CDH2: variants seen among roughly 807,000 people sequenced by gnomAD.
CDH2 encodes the protein cadherin-2.
Under a neutral mutation model 92.0 loss-of-function variants are expected in CDH2, and 17 were observed. The observed-to-expected ratio is 0.18, with a 90% CI of 0.13 to 0.28. The LOEUF (loss-of-function observed/expected upper bound fraction) is 0.28, where lower values mean the gene tolerates loss of function less well. CDH2 is among the 10% of genes least tolerant of loss of function. The probability of loss-of-function intolerance (pLI) is 1.00; values close to 1 mark genes in which losing one functional copy is unlikely to be tolerated. For synonymous variants in CDH2, 419 were observed against 415.9 expected (o/e 1.01, Z -0.09); for missense variants, 862 against 1,133.1 (o/e 0.76, Z 3.44).
In CDH2 at chr18:27,951,637, A is replaced by T. The variant is rs905647913; in HGVS notation, c.*516T>A. On this transcript the variant is annotated 3_prime_UTR_variant, in exon 16 of 16. Coordinates refer to ENST00000269141, the MANE Select transcript of CDH2 (RefSeq NM_001792.5). ...AGATTTTAGTGAAAAAAAAAAAAAC[A>T]AACTAAAGTCTAAAACTAGAAGTAA... is the stretch of plus-strand genomic sequence containing the variant. The T allele has an allele frequency of 4.1e-5, 6 of 145,400 alleles. No homozygotes were observed. Among genetic ancestry groups the T allele is most frequent in the African/African-American group, 1.1e-4 (4 of 37,890 alleles). The allele number at this position is 145,400 out of a possible 1,614,324, so 9.0% of individuals were successfully genotyped here.
chr18:28,115,134 GC>G (rs2015476105), intron 2 of CDH2, among the ~76,000 whole-genome samples: 1 of 152,118 alleles, frequency 6.6e-6, no homozygotes, highest in Non-Finnish European at 1.5e-5. Context: ...TGTCCTTAAA[GC>G]CTGGGAAACA....
chr18:28,068,879 A>AT (rs971555154), intron 2 of CDH2, among the ~76,000 whole-genome samples: 4 of 152,218 alleles, frequency 2.6e-5, no homozygotes, highest in Admixed American at 6.6e-5. Context: ...ATTTAATAAC[A>AT]TAAAAACCTT....
chr18:28,057,686 T>G (rs1213789656), intron 2 of CDH2, among the ~76,000 whole-genome samples: 1 of 151,904 alleles, frequency 6.6e-6, no homozygotes, highest in Non-Finnish European at 1.5e-5. Flanking sequence ...AAAAAGAAAT[T>G]TGAATAAACT....
intron 2 of CDH2, among the ~76,000 whole-genome samples, chr18:28,015,502 A>C (rs2013219938): frequency 6.6e-6 from 1 of 152,212 alleles, no homozygotes; most frequent in Non-Finnish European, 1.5e-5. Flanking sequence ...CTTTCATTAA[A>C]GACAAAAAAT....
chr18:28,113,063 A>G (rs995095698), intron 2 of CDH2, among the ~76,000 whole-genome samples: 7 of 152,180 alleles, frequency 4.6e-5, no homozygotes, highest in Admixed American at 3.9e-4. Flanking sequence ...AATACAACTG[A>G]TATTTATCAG....
intron 11 of CDH2, among the ~76,000 whole-genome samples, chr18:27,986,691 T>C (rs1460610882): frequency 6.6e-6 from 1 of 152,080 alleles, no homozygotes; most frequent in African/African-American, 2.4e-5. Flanking sequence ...TACACAATCC[T>C]GGGGAGGGAA....
intron 2 of CDH2, among the ~76,000 whole-genome samples, chr18:28,023,478 C>A (rs2013464420): frequency 7.0e-6 from 1 of 142,890 alleles, no homozygotes; most frequent in Non-Finnish European, 1.5e-5. Flanking sequence ...CGTGCACCAC[C>A]ATGCCCAGCT....
At chr18:28,080,778 C>T (rs1338367439) in intron 2 of CDH2, among the ~76,000 whole-genome samples, 1 of 152,208 alleles carries the variant, frequency 6.6e-6, no homozygotes, top group Admixed American at 6.5e-5. Context: ...AACATTCCAC[C>T]TTCACATACA....
At chr18:28,141,523 C>T (rs564878600) in intron 2 of CDH2, among the ~76,000 whole-genome samples, 1 of 152,072 alleles carries the variant, frequency 6.6e-6, no homozygotes, top group Admixed American at 6.6e-5. Context: ...AATTTCACTT[C>T]AATAAATTAT....
At chr18:27,999,143 A>G (rs2012681707) in intron 7 of CDH2, among the ~76,000 whole-genome samples, 1 of 152,214 alleles carries the variant, frequency 6.6e-6, no homozygotes, top group Non-Finnish European at 1.5e-5. Flanking sequence ...ATTTAGGCAG[A>G]GGAAACGGGA....
chr18:27,953,412 T>C (rs1436845971), intron 15 of CDH2, among the ~76,000 whole-genome samples: 1 of 152,184 alleles, frequency 6.6e-6, no homozygotes, highest in African/African-American at 2.4e-5. Flanking sequence ...CTAGTACTCC[T>C]AGATACACTA....
At chr18:28,168,017 ACAAAGTGGT>A (rs2144365113) in intron 1 of CDH2, among the ~76,000 whole-genome samples, 1 of 152,298 alleles carries the variant, frequency 6.6e-6, no homozygotes, top group African/African-American at 2.4e-5. Context: ...AAAAATAATA[ACAAAGTGGT>A]CACAGTTTCG....
intron 2 of CDH2, among the ~76,000 whole-genome samples, chr18:28,143,639 C>A (rs1190059364): frequency 1.3e-5 from 2 of 151,006 alleles, no homozygotes; most frequent in African/African-American, 4.9e-5. Context: ...AAAGTGGCCA[C>A]AAGACACCTG....
At chr18:28,022,074 A>G (rs1161001199) in intron 2 of CDH2, among the ~76,000 whole-genome samples, 2 of 152,074 alleles carry the variant, frequency 1.3e-5, no homozygotes, top group Non-Finnish European at 2.9e-5. Context: ...GTTTTTACAT[A>G]TATATTCCAA....
At chr18:28,046,738 G>A (rs937465379) in intron 2 of CDH2, among the ~76,000 whole-genome samples, 1 of 151,948 alleles carries the variant, frequency 6.6e-6, no homozygotes, top group African/African-American at 2.4e-5. Context: ...TAGACATTTA[G>A]ATGTGCTACT....
intron 15 of CDH2, among the ~76,000 whole-genome samples, chr18:27,961,431 A>G (rs572782311): frequency 6.6e-6 from 1 of 152,076 alleles, no homozygotes; most frequent in African/African-American, 2.4e-5. Context: ...GCATCAAGGA[A>G]GGCCTCACAG....
rs572877691 is a variant in CDH2 at position 28,045,176 on chromosome 18, T to C, written c.173-31267A>G. Among the ~76,000 whole-genome samples, 3 of 152,278 alleles carry C rather than the reference T, an allele frequency of 2.0e-5. No individual in the cohort carries two copies. The East Asian group carries it at 5.8e-4, about 29-fold the overall frequency. On this transcript the variant is annotated intron_variant, in intron 2 of 15. Coordinates refer to ENST00000269141, the MANE Select transcript of CDH2 (RefSeq NM_001792.5). ...TCATCCAACTGGTCTTCAAGCCCTC[T>C]AGACTTTACCTCTAAGGATAAAGGT...
chr18:27,990,035 A>C, intron 10 of CDH2, 62 bp downstream of exon 10: 2 of 1,410,568 alleles, frequency 1.4e-6, no homozygotes, highest in Non-Finnish European at 9.7e-7. Context: ...GAATTAGATA[A>C]ATTTTATGCA....
chr18:28,034,774 A>T (rs1400832203), intron 2 of CDH2, among the ~76,000 whole-genome samples: 1 of 152,022 alleles, frequency 6.6e-6, no homozygotes, highest in Non-Finnish European at 1.5e-5. Context: ...TTTGCATGAA[A>T]CAGATTTCAG....
Sources: gnomAD v4.1 joint callset for allele counts (sites outside exome capture counted in the v4.1 genomes callset) on GRCh38, gnomAD v4.1.1 for gene constraint, MANE v1.5 for transcripts, NCBI Gene and HGNC (gene_info 2026-07-23, HGNC 2026-07-21) for gene names.